The following RSPRY1 variants were observed in gnomAD, a reference collection of about 807,000 sequenced individuals.
RSPRY1 encodes the protein RING finger and SPRY domain-containing protein 1.
RSPRY1 carries 23 observed loss-of-function variants against 73.1 expected under a neutral mutation model. That is an observed-to-expected ratio of 0.31 (90% CI 0.23 to 0.45). The LOEUF (loss-of-function observed/expected upper bound fraction) is 0.45. Among genes scored for constraint, RSPRY1 ranks in the 20% least tolerant of loss-of-function variants. RSPRY1 has a pLI of 1.00. For missense variants in RSPRY1, 448 were observed against 698.7 expected, an observed-to-expected ratio of 0.64 and a Z score of 4.05; for synonymous variants, 226 against 251.4, an observed-to-expected ratio of 0.90 and a Z score of 0.95.
At chr16:57,205,037 G>T (rs1345888859) in intron 2 of RSPRY1, 29 bp downstream of exon 2, 2 of 1,549,636 alleles carry the variant, frequency 1.3e-6, no homozygotes, top group African/African-American at 2.7e-5. Context: ...GTCACCTCCA[G>T]TGGAATGAAA....
At chr16:57,228,849 C>T (rs981713037) in intron 11 of RSPRY1, among the ~76,000 whole-genome samples, 18 of 152,106 alleles carry the variant, frequency 1.2e-4, no homozygotes, top group African/African-American at 4.1e-4. Flanking sequence ...CACACCACCA[C>T]GCCCGGCTAA....
intron 4 of RSPRY1, 40 bp downstream of exon 4, chr16:57,209,227 C>A: frequency 7.6e-7 from 1 of 1,314,140 alleles, no homozygotes; most frequent in Non-Finnish European, 1.1e-6. Context: ...ATCATTTGTG[C>A]TTAAGCACAA....
At chr16:57,199,320 CT>C (rs1473856845) in intron 1 of RSPRY1, among the ~76,000 whole-genome samples, 5 of 152,152 alleles carry the variant, frequency 3.3e-5, no homozygotes, top group African/African-American at 1.2e-4. Context: ...TGGTGAAGAT[CT>C]GTCTCTACTA....
At chr16:57,205,089 C>T in intron 2 of RSPRY1, 81 bp downstream of exon 2, 1 of 1,028,952 alleles carries the variant, frequency 9.7e-7, no homozygotes, top group Middle Eastern at 2.6e-4. Context: ...TCCTTCAGTT[C>T]CTTTAGGACA....
At chr16:57,187,461 A>G (rs141933847) in intron 1 of RSPRY1, among the ~76,000 whole-genome samples, 125 of 152,306 alleles carry the variant, frequency 8.2e-4, no homozygotes, top group Middle Eastern at 3.4e-3. Context: ...ACTGAGTAGA[A>G]TCCCGCAGTT....
intron 8 of RSPRY1, among the ~76,000 whole-genome samples, chr16:57,218,912 A>T (rs1597904769): frequency 7.3e-6 from 1 of 137,402 alleles, no homozygotes; most frequent in Non-Finnish European, 1.5e-5. Flanking sequence ...ATTTTTTTGT[A>T]TTTTTAGTAG....
chr16:57,210,051 CTCCCTTCCTCCCTTCCTTCCTTCT>C (rs2074808528), intron 4 of RSPRY1, among the ~76,000 whole-genome samples: 1 of 140,048 alleles, frequency 7.1e-6, no homozygotes, highest in Non-Finnish European at 1.5e-5. Flanking sequence ...CCCTCCCTTC[CTCCCTTCCTCCCTTCCTTCCTTCT>C]TTCCTTCCCT....
chr16:57,200,807 T>A (rs1291326525), intron 1 of RSPRY1, among the ~76,000 whole-genome samples: 1 of 118,516 alleles, frequency 8.4e-6, no homozygotes, highest in Non-Finnish European at 1.8e-5. Context: ...CCCCACATCC[T>A]TCCCGGACGG....
intron 1 of RSPRY1, among the ~76,000 whole-genome samples, chr16:57,202,076 C>T (rs747061454): frequency 6.6e-6 from 1 of 152,114 alleles, no homozygotes; most frequent in African/African-American, 2.4e-5. Flanking sequence ...AATCCCAATA[C>T]TTGGGAGGCC....
In RSPRY1 at chr16:57,220,713, AAC is replaced by A; in HGVS notation, c.902-16_902-15del. On this transcript the variant is annotated splice_polypyrimidine_tract_variant and intron_variant, in intron 8 of 14. Coordinates refer to ENST00000394420, the MANE Select transcript of RSPRY1 (RefSeq NM_133368.3). Reference sequence around the variant, plus strand: ...CACAGCAGCCTGCCTTAGAAACATGAACACTCTTTCTTTTGCAGTTTTAAAAG... The same window carrying A: ...CACAGCAGCCTGCCTTAGAAACATGAACTCTTTCTTTTGCAGTTTTAAAAG... 6.6e-7 allele frequency: 1 copy of A among 1,525,586 alleles called. No homozygotes were observed. The allele number at this position is 1,525,586 out of a possible 1,614,324, so 94.5% of individuals were successfully genotyped here.
In RSPRY1 at chr16:57,189,504, TAA is replaced by T. The variant is rs750796926; in HGVS notation, c.-156+3065_-156+3066del. Among the ~76,000 whole-genome samples, 14 of 137,886 alleles carry T rather than the reference TAA, an allele frequency of 1.0e-4. 1 individual carries two copies. Among genetic ancestry groups the T allele is most frequent in the South Asian group, 9.1e-4 (4 of 4,374 alleles). 90.5% of individuals were successfully genotyped at this position (137,886 alleles called of 152,430 possible). ...ATGTAGCACTGTGGGGCCTGGAGGC[TAA>T]AAAAAAAAAAAGTGTGTTTTGTCAA... On this transcript the variant is annotated intron_variant, in intron 1 of 14. Transcript: ENST00000394420.
At chr16:57,207,120 C>T (rs1336101260) in intron 2 of RSPRY1, among the ~76,000 whole-genome samples, 1 of 152,138 alleles carries the variant, frequency 6.6e-6, no homozygotes, top group African/African-American at 2.4e-5. Context: ...GATTTTTGGA[C>T]CTGTGTAAAA....
chr16:57,236,119 A>G (rs1230775800), intron 14 of RSPRY1, among the ~76,000 whole-genome samples: 1 of 152,214 alleles, frequency 6.6e-6, no homozygotes, highest in African/African-American at 2.4e-5. Context: ...CAGTTTGAGC[A>G]TATTTGGAGG....
chr16:57,197,998 T>C (rs1411310656), intron 1 of RSPRY1, among the ~76,000 whole-genome samples: 4 of 148,304 alleles, frequency 2.7e-5, no homozygotes, highest in Non-Finnish European at 6.0e-5. Flanking sequence ...AGTGCTGGGA[T>C]TACAGGCATG....
intron 6 of RSPRY1, among the ~76,000 whole-genome samples, chr16:57,214,502 A>C (rs1274205987): frequency 1.3e-5 from 2 of 152,202 alleles, no homozygotes; most frequent in African/African-American, 4.8e-5. Context: ...TTGTAGGCCT[A>C]GTGAGCATTG....
chr16:57,188,053 A>C (rs1415139419), intron 1 of RSPRY1, among the ~76,000 whole-genome samples: 1 of 152,108 alleles, frequency 6.6e-6, no homozygotes, highest in Non-Finnish European at 1.5e-5. Context: ...TTTCTCCCTC[A>C]GTTGTGATTT....
chr16:57,207,906 G>T, intron 2 of RSPRY1, 152 bp from the exon 3 acceptor site: 1 of 632,910 alleles, frequency 1.6e-6, no homozygotes, highest in Non-Finnish European at 2.9e-6. Context: ...ATCCTTACAG[G>T]TCATAGCTCA....
intron 6 of RSPRY1, 77 bp downstream of exon 6, chr16:57,214,023 T>A: frequency 1.0e-6 from 1 of 976,064 alleles, no homozygotes; most frequent in Non-Finnish European, 1.7e-6. Flanking sequence ...TTTTCTCAAA[T>A]TGCTGGCATA....
chr16:57,210,431 G>A lies in RSPRY1; in HGVS notation c.516+1244G>A, dbSNP rs1025595990. 7.2e-5 allele frequency among the ~76,000 whole-genome samples: 11 copies of A among 152,040 alleles called. No individual in the cohort carries two copies. In the South Asian group the frequency reaches 8.3e-4, roughly 11 times the overall value. ...AATAGAAGCATTTAAGGCTGGGCGC[G>A]GTGGTTCACGCCTGTAATCCTAGCA... On this transcript the variant is annotated intron_variant, in intron 4 of 14. Coordinates refer to ENST00000394420, the MANE Select transcript of RSPRY1 (RefSeq NM_133368.3).
Sources: allele counts gnomAD v4.1 joint callset (sites outside exome capture counted in the v4.1 genomes callset), GRCh38; gene constraint gnomAD v4.1.1; transcripts MANE v1.5; gene names NCBI Gene and HGNC (gene_info 2026-07-23, HGNC 2026-07-21).